The following SAMD4B variants were observed in gnomAD, a reference collection of about 807,000 sequenced individuals.
SAMD4B encodes protein Smaug homolog 2.
SAMD4B carries 5 observed loss-of-function variants against 74.5 expected under a neutral mutation model. That is an observed-to-expected ratio of 0.07 (90% CI 0.04 to 0.14). The LOEUF (loss-of-function observed/expected upper bound fraction) is 0.14, where lower values mean the gene tolerates loss of function less well. SAMD4B is among the 10% of genes least tolerant of loss of function. SAMD4B has a pLI of 1.00. For missense variants in SAMD4B, 608 were observed against 921.8 expected, an observed-to-expected ratio of 0.66 and a Z score of 4.41; for synonymous variants, 373 against 374.9, an observed-to-expected ratio of 1.00 and a Z score of 0.06.
Position 39,367,253 on chromosome 19 carries a change from C to G in SAMD4B, c.197-2402C>G, listed in dbSNP as rs150082765. ...GTCTGGTTAGAGCCAGCTCCTTTGC[C>G]CATTTCCAAGACCTCACCATTAGCA... On this transcript the variant is annotated intron_variant, in intron 3 of 13. Transcript: ENST00000610417. Among the ~76,000 whole-genome samples, 741 of 152,232 alleles carry G rather than the reference C, an allele frequency of 4.9e-3. 3 individuals are homozygous for G. Among genetic ancestry groups the G allele is most frequent in the African/African-American group, 0.016 (659 of 41,534 alleles).
intron 1 of SAMD4B, among the ~76,000 whole-genome samples, chr19:39,344,839 A>G (rs2075595240): frequency 6.6e-6 from 1 of 152,074 alleles, no homozygotes; most frequent in African/African-American, 2.4e-5. Context: ...TGCCATGCTC[A>G]TAGACCCCTC....
At chr19:39,358,942 T>C (rs1000777245) in intron 3 of SAMD4B, among the ~76,000 whole-genome samples, 5 of 152,188 alleles carry the variant, frequency 3.3e-5, no homozygotes, top group African/African-American at 1.2e-4. Flanking sequence ...TGTGTGGAAG[T>C]CACAGAAGCA....
rs1401451630 is a variant in SAMD4B at position 39,379,962 on chromosome 19, C to G, written c.1531-4C>G. The G allele has an allele frequency of 1.9e-6, 3 of 1,612,534 alleles. No individual in the cohort carries two copies. On this transcript the variant is annotated splice_region_variant and splice_polypyrimidine_tract_variant and intron_variant, in intron 9 of 13. Coordinates refer to ENST00000610417, the MANE Select transcript of SAMD4B (RefSeq NM_001384574.2). ...CTGCTTCACCGGTGTCCTGCCAATTCTAGGCTTTCACGGAGACGCAGAAGA... is the reference window on the plus strand; with the variant it reads ...CTGCTTCACCGGTGTCCTGCCAATTGTAGGCTTTCACGGAGACGCAGAAGA...
chr19:39,342,966 C>T (rs191344738), intron 1 of SAMD4B, among the ~76,000 whole-genome samples: 33 of 151,756 alleles, frequency 2.2e-4, no homozygotes, highest in Admixed American at 2.0e-3. Flanking sequence ...GGAGTCGCCT[C>T]CTCGAGCCCT....
chr19:39,353,090 A>G (rs936457643), intron 1 of SAMD4B, among the ~76,000 whole-genome samples: 4 of 152,148 alleles, frequency 2.6e-5, no homozygotes, highest in Non-Finnish European at 5.9e-5. Context: ...TTATTTTAAA[A>G]TTCTTCCTTA....
At position 39,383,589 on chromosome 19, in the gene SAMD4B, A is replaced by G. The variant is rs893080045; in HGVS notation, c.*62A>G. The G allele has an allele frequency of 6.2e-7, 1 of 1,614,100 alleles. No individual in the cohort carries two copies. The highest frequency in any genetic ancestry group is 8.5e-7 in the Non-Finnish European group (1 of 1,180,020). On this transcript the variant is annotated 3_prime_UTR_variant, in exon 14 of 14. Coordinates refer to ENST00000610417, the MANE Select transcript of SAMD4B (RefSeq NM_001384574.2). This position sits in a 1 kb window ranked among gnomAD's most constrained non-coding sequence, Gnocchi z 4.1. Reference sequence around the variant, plus strand: ...GGCGGCGGGCGGGGGCCAACCCCCAACGGGCTTCTCCGCGACAGCGAGAGG... The same window carrying G: ...GGCGGCGGGCGGGGGCCAACCCCCAGCGGGCTTCTCCGCGACAGCGAGAGG...
rs1333515311 is a variant in SAMD4B, at chr19:39,356,854, G to A, written c.-40G>A. The A allele has an allele frequency of 9.7e-6, 15 of 1,553,860 alleles. No homozygotes were observed. Among genetic ancestry groups the A allele is most frequent in the South Asian group, 1.2e-5 (1 of 85,494 alleles). On this transcript the variant is annotated 5_prime_UTR_variant, in exon 3 of 14. Coordinates refer to ENST00000610417, the MANE Select transcript of SAMD4B (RefSeq NM_001384574.2). ...GGACCATGTGACGGCGCTGGCCCTC[G>A]CCACCGCCGTCCCCCGACCCTGGCC...
intron 3 of SAMD4B, among the ~76,000 whole-genome samples, chr19:39,367,025 C>T (rs1207343955): frequency 6.6e-6 from 1 of 152,226 alleles, no homozygotes; most frequent in Non-Finnish European, 1.5e-5. Context: ...AGGACTTACT[C>T]TATGCTGTGG....
chr19:39,361,182 AT>A (rs983382863), intron 3 of SAMD4B, among the ~76,000 whole-genome samples: 22 of 152,130 alleles, frequency 1.4e-4, no homozygotes, highest in Non-Finnish European at 2.9e-4. Flanking sequence ...GGCCCAGCAC[AT>A]TATTCTAGGG....
chr19:39,374,278 A>T (rs984818872), intron 4 of SAMD4B, among the ~76,000 whole-genome samples: 1 of 152,090 alleles, frequency 6.6e-6, no homozygotes, highest in Non-Finnish European at 1.5e-5. Flanking sequence ...AAAAAAATCA[A>T]GTTGGATTCC....
In SAMD4B at chr19:39,383,476, C is replaced by G; in HGVS notation, c.2057-23C>G. 5 of 1,612,160 alleles carry G rather than the reference C, an allele frequency of 3.1e-6. No homozygotes were observed. In the South Asian group the frequency reaches 4.4e-5, roughly 14 times the overall value. On this transcript the variant is annotated intron_variant, in intron 13 of 13. Transcript: ENST00000610417. This position sits in a 1 kb window ranked among gnomAD's most constrained non-coding sequence, Gnocchi z 4.1. ...CTCCCTCCAGCTCCTGATCTTCCTC[C>G]CTTCCTCCCTTTCTTACCACAGATG... is the stretch of plus-strand genomic sequence containing the variant.
At chr19:39,372,980 C>A (rs959439557) in intron 4 of SAMD4B, among the ~76,000 whole-genome samples, 1 of 152,118 alleles carries the variant, frequency 6.6e-6, no homozygotes, top group African/African-American at 2.4e-5. Context: ...AAGGGTGGGC[C>A]ACTGCCTTGC....
At chr19:39,367,078 T>C (rs1412176640) in intron 3 of SAMD4B, among the ~76,000 whole-genome samples, 5 of 152,252 alleles carry the variant, frequency 3.3e-5, no homozygotes, top group Non-Finnish European at 7.3e-5. Flanking sequence ...GGAATGATTC[T>C]GGGCTCCACT....
At position 39,375,777 on chromosome 19, in the gene SAMD4B, C is replaced by T. The variant is rs891788884; in HGVS notation, c.795C>T (p.Pro265=). ...ELGARAAFTT[P]DHAPLSPQSS... ...GGGCCCGGGCTGCTTTTACCACGCC[C>T]GATCACGCACCTCTCTCGCCCCAGA... The change falls in exon 5 of 14, where the codon CCC becomes CCT. Residue 265 remains proline (P), a synonymous_variant. Coordinates refer to ENST00000610417, the MANE Select transcript of SAMD4B (RefSeq NM_001384574.2). The surrounding 1 kb of genome is among the most constrained non-coding windows in gnomAD (Gnocchi z 4.1). The T allele has an allele frequency of 1.9e-6, 3 of 1,614,166 alleles. No individual in the cohort carries two copies. The highest frequency in any genetic ancestry group is 2.5e-6 in the Non-Finnish European group (3 of 1,180,028).
Position 39,378,727 on chromosome 19 carries a change from G to C in SAMD4B, c.1530+138G>C. On this transcript the variant is annotated intron_variant, in intron 9 of 13. Coordinates refer to ENST00000610417, the MANE Select transcript of SAMD4B (RefSeq NM_001384574.2). This position sits in a 1 kb window ranked among gnomAD's most constrained non-coding sequence, Gnocchi z 4.4. ...TCGAGACCATCCTGGCTAACACAGT[G>C]AAACCCAGTCTTTACTAAAAATACA... The C allele has an allele frequency of 1.6e-6, 1 of 640,030 alleles. No homozygotes were observed. The highest frequency in any genetic ancestry group is 2.7e-6 in the Non-Finnish European group (1 of 370,458). The allele number at this position is 640,030 out of a possible 1,614,324, so 39.6% of individuals were successfully genotyped here. A position where few individuals can be genotyped will look rare whatever the true frequency, so the allele number is the denominator to read the frequency against.
intron 3 of SAMD4B, chr19:39,360,210 AAT>A (rs1183382871): frequency 6.6e-6 from 1 of 152,028 alleles, no homozygotes; most frequent in Non-Finnish European, 1.5e-5. Flanking sequence ...AAAAAAATAA[AAT>A]AAAATATTTG....
At chr19:39,351,462 A>G (rs1391226150) in intron 1 of SAMD4B, 1 of 152,202 alleles carries the variant, frequency 6.6e-6, no homozygotes, top group Non-Finnish European at 1.5e-5. Context: ...TTTTGGTCAC[A>G]TGAGGACAAA....
chr19:39,369,443 A>G (rs1031647354), intron 3 of SAMD4B: 3 of 577,452 alleles, frequency 5.2e-6, no homozygotes, highest in African/African-American at 1.9e-5. Context: ...GTGAGACCCC[A>G]TCTCTTAAAA....
rs374224481 is a variant in SAMD4B, at chr19:39,379,486, T to G, written c.1531-480T>G. On this transcript the variant is annotated intron_variant, in intron 9 of 13. Transcript: ENST00000610417. ...CACAGTTATCATCATGTATGTATCT[T>G]TCCCTCACAACCAGACTGTAAGCTC... 3.9e-5 allele frequency among the ~76,000 whole-genome samples: 6 copies of G among 152,356 alleles called. No homozygotes were observed. The South Asian group carries it at 1.2e-3, about 32-fold the overall frequency.
Sources: gnomAD v4.1 joint callset for allele counts (sites outside exome capture counted in the v4.1 genomes callset) on GRCh38, gnomAD v4.1.1 for gene constraint, Gnocchi (gnomAD v3.1) non-coding constraint, MANE v1.5 for transcripts, NCBI Gene and HGNC (gene_info 2026-07-23, HGNC 2026-07-21) for gene names.